MYO1H: variants seen among roughly 807,000 people sequenced by gnomAD.
MYO1H encodes unconventional myosin-Ih.
In MYO1H, 118 loss-of-function variants were observed where a neutral mutation model predicts 149.3. The ratio of observed to expected loss-of-function variants is 0.79; its 90% CI spans 0.68 to 0.92. MYO1H has a LOEUF of 0.92. MYO1H is among the 40% of genes least tolerant of loss of function. MYO1H has a pLI of 0.00. For synonymous variants in MYO1H, 447 were observed against 465.2 expected (o/e 0.96, Z 0.50); for missense variants, 1,212 against 1,280.7 (o/e 0.95, Z 0.82).
At chr12:109,403,806 G>GA (rs1327642142) in intron 6 of MYO1H, among the ~76,000 whole-genome samples, 176 bp from the exon 7 acceptor site, 1 of 152,024 alleles carries the variant, frequency 6.6e-6, no homozygotes, top group African/African-American at 2.4e-5. Context: ...AAATAAATTT[G>GA]AAAAAAAGCA....
At chr12:109,424,156 A>AG (rs1467645221) in intron 16 of MYO1H, among the ~76,000 whole-genome samples, 1 of 151,966 alleles carries the variant, frequency 6.6e-6, no homozygotes, top group African/African-American at 2.4e-5. Flanking sequence ...ATTATCTTGG[A>AG]GATCATTCTT....
At chr12:109,433,039 CT>C in intron 20 of MYO1H, 29 bp downstream of exon 20, 3 of 1,571,836 alleles carry the variant, frequency 1.9e-6, no homozygotes, top group Non-Finnish European at 2.6e-6. Context: ...ACCAAATGGT[CT>C]CTTCCCTTGA....
intron 1 of MYO1H, among the ~76,000 whole-genome samples, chr12:109,355,612 A>G (rs1868573831): frequency 1.3e-5 from 2 of 152,144 alleles, no homozygotes; most frequent in East Asian, 1.9e-4. Flanking sequence ...TGCATCCTGC[A>G]TGTAAAATTC....
chr12:109,335,123 A>G, the MYO1H span, among the ~76,000 whole-genome samples: 11 of 152,270 alleles, frequency 7.2e-5, no homozygotes, highest in African/African-American at 2.2e-4. Flanking sequence ...ATAATAGTCT[A>G]TTATAATAAT....
intron 1 of MYO1H, among the ~76,000 whole-genome samples, chr12:109,378,972 T>C (rs1328045191): frequency 2.0e-5 from 3 of 152,234 alleles, no homozygotes; most frequent in Non-Finnish European, 4.4e-5. Context: ...GATGGTATAC[T>C]ACAGCATTGT....
At chr12:109,427,909 A>AAT (rs1555254297) in intron 19 of MYO1H, among the ~76,000 whole-genome samples, 325 of 16,404 alleles carry the variant, frequency 0.02, 12 homozygotes, top group East Asian at 0.043. Context: ...AAAAAAAAAA[A>AAT]ATATATATAT....
At chr12:109,314,282 C>G in the MYO1H span, among the ~76,000 whole-genome samples, 3 of 147,558 alleles carry the variant, frequency 2.0e-5, no homozygotes, top group Admixed American at 2.0e-4. Flanking sequence ...TACTGAATAT[C>G]TATCTCCATT....
At chr12:109,379,293 A>G (rs1869151694) in intron 1 of MYO1H, among the ~76,000 whole-genome samples, 1 of 152,138 alleles carries the variant, frequency 6.6e-6, no homozygotes, top group African/African-American at 2.4e-5. Flanking sequence ...GAAACTTGAG[A>G]TTTACTTTAT....
At chr12:109,443,618 C>G in exon 28 of MYO1H, 3 of 1,613,330 alleles carry the variant, frequency 1.9e-6, no homozygotes, top group Non-Finnish European at 2.5e-6. Flanking sequence ...TTGCCAAAAT[C>G]AAGCAGAAAA....
intron 27 of MYO1H, among the ~76,000 whole-genome samples, chr12:109,442,982 C>A: frequency 8.0e-6 from 1 of 125,608 alleles, no homozygotes; most frequent in Non-Finnish European, 1.6e-5. Context: ...AAATCCCCAT[C>A]ATGCAGAGAG....
chr12:109,320,718 G>A, the MYO1H span, among the ~76,000 whole-genome samples: 1 of 151,840 alleles, frequency 6.6e-6, no homozygotes, highest in African/African-American at 2.4e-5. Context: ...AATGCTAGAA[G>A]GGTTTAGAAG....
chr12:109,427,389 G>C, intron 18 of MYO1H, 80 bp from the exon 19 acceptor site: 1 of 894,682 alleles, frequency 1.1e-6, no homozygotes, highest in East Asian at 2.5e-5. Context: ...CTGAACTTCA[G>C]CTTGCAGCCT....
At chr12:109,352,006 G>A (rs1328124442) in intron 1 of MYO1H, among the ~76,000 whole-genome samples, 2 of 152,090 alleles carry the variant, frequency 1.3e-5, no homozygotes, top group Non-Finnish European at 2.9e-5. Flanking sequence ...GATTCCATAA[G>A]ATATGCTTTG....
intron 2 of MYO1H, among the ~76,000 whole-genome samples, chr12:109,389,123 G>A (rs764176667): frequency 1.3e-5 from 2 of 152,126 alleles, no homozygotes; most frequent in African/African-American, 4.8e-5. Flanking sequence ...ACAATGTCTG[G>A]CAACTCCTTC....
intron 16 of MYO1H, among the ~76,000 whole-genome samples, chr12:109,421,786 C>T (rs1871186944): frequency 6.6e-6 from 1 of 152,124 alleles, no homozygotes; most frequent in Admixed American, 6.6e-5. Flanking sequence ...AATCTCTTTG[C>T]CTTTCCATAT....
At chr12:109,445,677 C>G in intron 31 of MYO1H, 65 bp downstream of exon 31, 4 of 1,551,328 alleles carry the variant, frequency 2.6e-6, no homozygotes, top group Non-Finnish European at 3.5e-6. Flanking sequence ...AAAGTTCTAC[C>G]AATTTCAGTC....
chr12:109,359,914 C>T (rs1398395450), intron 1 of MYO1H, among the ~76,000 whole-genome samples: 1 of 151,946 alleles, frequency 6.6e-6, no homozygotes, highest in African/African-American at 2.4e-5. Context: ...TGTTTGAACT[C>T]GGGAGATTTT....
intron 1 of MYO1H, among the ~76,000 whole-genome samples, chr12:109,348,280 C>A: frequency 6.6e-6 from 1 of 152,184 alleles, no homozygotes; most frequent in Admixed American, 6.5e-5. Context: ...TTAGCACTGC[C>A]TAATGCAAGA....
chr12:109,420,852 A>G, intron 15 of MYO1H, 129 bp from the exon 16 acceptor site: 1 of 681,764 alleles, frequency 1.5e-6, no homozygotes, highest in Non-Finnish European at 2.7e-6. Flanking sequence ...CCATAGTGCC[A>G]AGGTTGAGAA....
Sources: allele counts gnomAD v4.1 joint callset (sites outside exome capture counted in the v4.1 genomes callset), GRCh38; gene constraint gnomAD v4.1.1; transcripts MANE v1.5; gene names NCBI Gene and HGNC (gene_info 2026-07-23, HGNC 2026-07-21).